Variants in FOXP2 observed in about 807,000 individuals in gnomAD.
FOXP2 encodes the protein forkhead box P2, also known as forkhead box protein P2.
Under a neutral mutation model 115.8 loss-of-function variants are expected in FOXP2, and 12 were observed. That is an observed-to-expected ratio of 0.10 (90% CI 0.07 to 0.17). The LOEUF is 0.17. Ranked by LOEUF, FOXP2 falls within the 10% of genes least tolerant of loss-of-function variation. The pLI, the probability that FOXP2 is intolerant of heterozygous loss-of-function variation, is 1.00. For synonymous variants in FOXP2, 328 were observed against 297.7 expected, an observed-to-expected ratio of 1.10 and a Z score of -1.05; for missense variants, 629 against 843.5, an observed-to-expected ratio of 0.75 and a Z score of 3.15.
intron 2 of FOXP2, among the ~76,000 whole-genome samples, chr7:114,405,895 C>A (rs1490168037): frequency 3.3e-5 from 5 of 151,546 alleles, no homozygotes; most frequent in African/African-American, 1.2e-4. Context: ...TCATGTGATA[C>A]CTGTATAGTC....
chr7:114,271,476 T>TTATA (rs1307482035), intron 1 of FOXP2, among the ~76,000 whole-genome samples: 1 of 135,878 alleles, frequency 7.4e-6, no homozygotes, highest in East Asian at 2.0e-4. Flanking sequence ...CTGAGAGGAT[T>TTATA]TATATATATA....
chr7:114,298,793 T>G (rs923233870), intron 2 of FOXP2, among the ~76,000 whole-genome samples: 2 of 152,214 alleles, frequency 1.3e-5, no homozygotes, highest in African/African-American at 2.4e-5. Flanking sequence ...AAAAGGTTTA[T>G]GATGCAGTTC....
chr7:114,343,218 T>C (rs1791257561), intron 2 of FOXP2, among the ~76,000 whole-genome samples: 1 of 151,652 alleles, frequency 6.6e-6, no homozygotes, highest in Non-Finnish European at 1.5e-5. Flanking sequence ...CCCTACATCT[T>C]CTACATCTTA....
intron 2 of FOXP2, among the ~76,000 whole-genome samples, chr7:114,289,130 G>C (rs1021024761): frequency 6.6e-6 from 1 of 151,626 alleles, no homozygotes; most frequent in Non-Finnish European, 1.5e-5. Context: ...CTTCTGTTTG[G>C]CCTATGGATT....
At chr7:114,170,451 A>G (rs1793108597) in intron 1 of FOXP2, among the ~76,000 whole-genome samples, 1 of 152,216 alleles carries the variant, frequency 6.6e-6, no homozygotes, top group African/African-American at 2.4e-5. Context: ...AAAGTTAGAA[A>G]TGATTCAGTT....
intron 1 of FOXP2, among the ~76,000 whole-genome samples, chr7:114,234,847 C>G (rs1794969496): frequency 6.6e-6 from 1 of 152,238 alleles, no homozygotes; most frequent in African/African-American, 2.4e-5. Context: ...ATGTCTCTAC[C>G]TAGAGCAGTC....
At chr7:114,650,199 T>C (rs989240379) in intron 8 of FOXP2, among the ~76,000 whole-genome samples, 9 of 152,080 alleles carry the variant, frequency 5.9e-5, no homozygotes, top group Admixed American at 2.6e-4. Context: ...AAATATAAGA[T>C]CATGATTATC....
intron 3 of FOXP2, among the ~76,000 whole-genome samples, chr7:114,603,626 C>A (rs1302744808): frequency 6.6e-6 from 1 of 152,178 alleles, no homozygotes. Flanking sequence ...CATAAACTAA[C>A]AAGTTAGAAT....
At chr7:114,141,715 C>T (rs1792214030) in intron 1 of FOXP2, among the ~76,000 whole-genome samples, 1 of 152,168 alleles carries the variant, frequency 6.6e-6, no homozygotes, top group Admixed American at 6.5e-5. Flanking sequence ...AGTTTGGAGG[C>T]ACCACCACAG....
At chr7:114,267,524 C>T (rs185672766) in intron 1 of FOXP2, among the ~76,000 whole-genome samples, 3 of 151,702 alleles carry the variant, frequency 2.0e-5, no homozygotes, top group South Asian at 2.1e-4. Context: ...TTCAGGAGAT[C>T]GAGACCATCC....
intron 3 of FOXP2, among the ~76,000 whole-genome samples, chr7:114,578,369 A>G (rs1330684738): frequency 6.6e-6 from 1 of 151,958 alleles, no homozygotes; most frequent in Non-Finnish European, 1.5e-5. Flanking sequence ...TTCATCCTAT[A>G]TGGACTGATA....
intron 2 of FOXP2, among the ~76,000 whole-genome samples, chr7:114,334,448 A>C (rs1472544687): frequency 6.6e-6 from 1 of 152,078 alleles, no homozygotes; most frequent in Non-Finnish European, 1.5e-5. Context: ...GGGATCATTT[A>C]TAGTGTAAGT....
At chr7:114,513,816 T>C (rs1798191507) in intron 2 of FOXP2, among the ~76,000 whole-genome samples, 1 of 152,126 alleles carries the variant, frequency 6.6e-6, no homozygotes, top group South Asian at 2.1e-4. Context: ...AATTTAAGTG[T>C]TCTCTATATT....
intron 2 of FOXP2, among the ~76,000 whole-genome samples, chr7:114,446,675 T>TAAC (rs370790708): frequency 2.2e-4 from 33 of 151,958 alleles, no homozygotes; most frequent in African/African-American, 8.0e-4. Flanking sequence ...AAAATTGCAT[T>TAAC]AACAACAGTG....
chr7:114,164,695 A>C (rs1233756982), intron 1 of FOXP2, among the ~76,000 whole-genome samples: 2 of 152,186 alleles, frequency 1.3e-5, no homozygotes, highest in Non-Finnish European at 2.9e-5. Flanking sequence ...AAATACTACA[A>C]ACCTTACCAT....
chr7:114,456,937 A>G (rs78420062), intron 2 of FOXP2, among the ~76,000 whole-genome samples: 3 of 151,924 alleles, frequency 2.0e-5, no homozygotes, highest in African/African-American at 7.2e-5. Context: ...GAAAAAAAAA[A>G]TACTGCTTGA....
intron 1 of FOXP2, among the ~76,000 whole-genome samples, chr7:114,205,551 C>T (rs991293200): frequency 1.3e-5 from 2 of 152,062 alleles, no homozygotes; most frequent in African/African-American, 4.8e-5. Context: ...ACCCCAAGGA[C>T]TGTGTACTCA....
intron 3 of FOXP2, among the ~76,000 whole-genome samples, chr7:114,541,347 A>G (rs1799651361): frequency 6.6e-6 from 1 of 152,120 alleles, no homozygotes; most frequent in South Asian, 2.1e-4. Flanking sequence ...GCAAGAAGAA[A>G]AAGCAGAAGA....
At chr7:114,490,510 C>CT (rs970258754) in intron 2 of FOXP2, among the ~76,000 whole-genome samples, 54 of 148,214 alleles carry the variant, frequency 3.6e-4, no homozygotes, top group African/African-American at 1.1e-3. Flanking sequence ...TGTCATTACA[C>CT]TTTTTTTTTT....
Sources: gnomAD v4.1 joint callset for allele counts (sites outside exome capture counted in the v4.1 genomes callset) on GRCh38, gnomAD v4.1.1 for gene constraint, MANE v1.5 for transcripts, NCBI Gene and HGNC (gene_info 2026-07-23, HGNC 2026-07-21) for gene names.